Variants in MYH13 observed in about 807,000 individuals in gnomAD.
MYH13 encodes myosin-13.
Under a neutral mutation model 232.1 loss-of-function variants are expected in MYH13, and 177 were observed. The observed-to-expected ratio is 0.76, with a 90% CI of 0.67 to 0.86. The LOEUF is 0.86. MYH13 is among the 40% of genes least tolerant of loss of function. MYH13 has a pLI of 0.00. For missense variants in MYH13, 2,246 were observed against 2,405.9 expected (o/e 0.93, Z 1.39); for synonymous variants, 884 against 923.5 (o/e 0.96, Z 0.78).
chr17:10,357,696 G>T, intron 8 of MYH13, 39 bp downstream of exon 8: 1 of 1,580,274 alleles, frequency 6.3e-7, no homozygotes, highest in Non-Finnish European at 8.7e-7. Flanking sequence ...GAGAGGGTAT[G>T]CTTTTGGGAG....
At chr17:10,328,704 G>A (rs1907308021) in intron 21 of MYH13, among the ~76,000 whole-genome samples, 1 of 143,538 alleles carries the variant, frequency 7.0e-6, no homozygotes, top group Non-Finnish European at 1.5e-5. Flanking sequence ...TTGAGATGGA[G>A]TCTTGCTCTG....
rs1451452911 is a variant in MYH13, at chr17:10,322,692, GGC to G, written c.2935-986_2935-985del. Among the ~76,000 whole-genome samples the G allele has an allele frequency of 5.6e-5, 8 of 142,902 alleles. No homozygotes were observed. The East Asian group carries it at 1.5e-3, about 27-fold the overall frequency. The allele number at this position is 142,902 out of a possible 152,430, so 93.7% of individuals were successfully genotyped here. On this transcript the variant is annotated intron_variant, in intron 23 of 40. Coordinates refer to ENST00000252172, the MANE Select transcript of MYH13 (RefSeq NM_003802.3). Reference sequence around the variant, plus strand: ...TCTGTCGCCCAGGCTGGAGTGCAGTGGCGCAGTCTCAGCTCACTGCAAGCTCC... The same window carrying G: ...TCTGTCGCCCAGGCTGGAGTGCAGTGGCAGTCTCAGCTCACTGCAAGCTCC...
chr17:10,309,945 A>AGT, intron 33 of MYH13, 115 bp from the exon 34 acceptor site: 1 of 937,124 alleles, frequency 1.1e-6, no homozygotes, highest in South Asian at 2.7e-5. Flanking sequence ...ATTAAATTTA[A>AGT]ATTTTTTTTT....
chr17:10,351,220 CAAA>C (rs761244522), intron 11 of MYH13, among the ~76,000 whole-genome samples: 1 of 72,706 alleles, frequency 1.4e-5, no homozygotes, highest in Admixed American at 1.8e-4. Context: ...GACTCCATCT[CAAA>C]AAAAAAAAAA....
chr17:10,323,531 G>A (rs1907056441), intron 23 of MYH13, among the ~76,000 whole-genome samples: 1 of 152,034 alleles, frequency 6.6e-6, no homozygotes. Flanking sequence ...GCCGAGGTGG[G>A]TGGATCACCT....
intron 35 of MYH13, among the ~76,000 whole-genome samples, chr17:10,308,432 T>C (rs947332505): frequency 1.6e-4 from 23 of 143,658 alleles, no homozygotes; most frequent in African/African-American, 5.7e-4. Flanking sequence ...TGTATTTATT[T>C]TTAATTAAAA....
intron 18 of MYH13, among the ~76,000 whole-genome samples, chr17:10,337,904 T>G (rs2071588087): frequency 6.6e-6 from 1 of 152,044 alleles, no homozygotes; most frequent in Non-Finnish European, 1.5e-5. Flanking sequence ...AGTACAAAAA[T>G]TAGCTGGGCA....
intron 37 of MYH13, among the ~76,000 whole-genome samples, 178 bp from the exon 38 acceptor site, chr17:10,303,676 G>T (rs79928142): frequency 6.6e-6 from 1 of 152,098 alleles, no homozygotes; most frequent in Admixed American, 6.5e-5. Context: ...ACTGTTGGTG[G>T]GAGTGTAAAT....
intron 18 of MYH13, among the ~76,000 whole-genome samples, chr17:10,337,393 C>T (rs968624642): frequency 1.3e-4 from 20 of 152,134 alleles, no homozygotes; most frequent in Non-Finnish European, 2.5e-4. Flanking sequence ...GAGCCTGCTC[C>T]CGAGGGGCCC....
intron 8 of MYH13, 119 bp downstream of exon 8, chr17:10,357,616 C>A: frequency 1.2e-6 from 1 of 803,860 alleles, no homozygotes; most frequent in South Asian, 1.8e-5. Flanking sequence ...TGATCTCAAT[C>A]ACTTGGGGGT....
Position 10,324,093 on chromosome 17 carries a change from TGAGA to T in MYH13, c.2859_2862del (p.Leu954ArgfsTer9), listed in dbSNP as rs1385026154. On this transcript the variant is annotated frameshift_variant, in exon 23 of 41. Transcript: ENST00000252172. LOFTEE classifies it high-confidence loss of function. ...AGCTCCAGGTCATCAATGTCTCTCT[TGAGA>T]GAGGAGCATTTATCTTCCAGATTCC... 1.9e-6 allele frequency: 3 copies of T among 1,614,028 alleles called. No individual in the cohort carries two copies. Among genetic ancestry groups the T allele is most frequent in the Non-Finnish European group, 2.5e-6 (3 of 1,179,922 alleles).
chr17:10,361,017 C>G (rs960419509), intron 5 of MYH13, among the ~76,000 whole-genome samples: 1 of 152,166 alleles, frequency 6.6e-6, no homozygotes, highest in Admixed American at 6.5e-5. Flanking sequence ...GACACCTTGA[C>G]TTCGGACTTC....
intron 27 of MYH13, among the ~76,000 whole-genome samples, chr17:10,318,515 G>A (rs1275034669): frequency 6.6e-6 from 1 of 152,144 alleles, no homozygotes; most frequent in Non-Finnish European, 1.5e-5. Flanking sequence ...GAATTTGCTG[G>A]CACTTTGATC....
chr17:10,357,800 C>A lies in MYH13; in HGVS notation c.673G>T (p.Ala225Ser). The change falls in exon 8 of 41, where the codon GCC becomes TCC. Residue 225 changes from alanine to serine, a missense_variant. Physicochemically the swap from Ala to Ser is moderately conservative, Grantham distance 99. Transcript: ENST00000252172. ...QGTLEDQIIQANPLLEAFGNA... is the reference protein window; with the variant it reads ...QGTLEDQIIQSNPLLEAFGNA... Reference sequence around the variant, plus strand: ...CCAAAGGCCTCCAGCAGTGGGTTGGCCTGGATGATCTGATCCTCTAGGGTT... The same window carrying A: ...CCAAAGGCCTCCAGCAGTGGGTTGGACTGGATGATCTGATCCTCTAGGGTT... 6.2e-7 allele frequency: 1 copy of A among 1,613,738 alleles called. No individual in the cohort carries two copies. The highest frequency in any genetic ancestry group is 8.5e-7 in the Non-Finnish European group (1 of 1,179,790).
chr17:10,344,804 G>C (rs1488153606), intron 15 of MYH13, among the ~76,000 whole-genome samples: 1 of 131,648 alleles, frequency 7.6e-6, no homozygotes, highest in Non-Finnish European at 1.5e-5. Flanking sequence ...CTGGGTGACA[G>C]AGCAAGACTC....
intron 22 of MYH13, among the ~76,000 whole-genome samples, chr17:10,325,809 T>G (rs1907177144): frequency 6.6e-6 from 1 of 152,218 alleles, no homozygotes; most frequent in Non-Finnish European, 1.5e-5. Context: ...CCTGAGTAGC[T>G]GGGACTACAG....
intron 39 of MYH13, among the ~76,000 whole-genome samples, chr17:10,302,160 T>C (rs990555148): frequency 6.6e-6 from 1 of 152,154 alleles, no homozygotes; most frequent in African/African-American, 2.4e-5. Context: ...CTGGGCACCC[T>C]CTAGCCTGCC....
At chr17:10,335,005 G>T (rs946438555) in intron 18 of MYH13, among the ~76,000 whole-genome samples, 2 of 152,216 alleles carry the variant, frequency 1.3e-5, no homozygotes, top group African/African-American at 4.8e-5. Context: ...GAGTGGTTAA[G>T]ATCCCAGCTA....
At chr17:10,346,217 G>A (rs529901210) in intron 13 of MYH13, among the ~76,000 whole-genome samples, 1 of 152,282 alleles carries the variant, frequency 6.6e-6, no homozygotes, top group East Asian at 1.9e-4. Flanking sequence ...TAGACCAGAG[G>A]TGAACACTTG....
Sources: gnomAD v4.1 joint callset for allele counts (sites outside exome capture counted in the v4.1 genomes callset) on GRCh38, gnomAD v4.1.1 for gene constraint, MANE v1.5 for transcripts, NCBI Gene and HGNC (gene_info 2026-07-23, HGNC 2026-07-21) for gene names.